The following PRKCA variants were observed in gnomAD, a reference collection of about 807,000 sequenced individuals.
PRKCA encodes the protein protein kinase C alpha type.
PRKCA carries 27 observed loss-of-function variants against 87.0 expected under a neutral mutation model. That is an observed-to-expected ratio of 0.31 (90% CI 0.23 to 0.43). The LOEUF is 0.43. PRKCA is among the 20% of genes least tolerant of loss of function. The probability of loss-of-function intolerance (pLI) is 1.00; values close to 1 mark genes in which losing one functional copy is unlikely to be tolerated. For missense variants in PRKCA, 518 were observed against 852.3 expected (o/e 0.61, Z 4.88); for synonymous variants, 329 against 311.1 (o/e 1.06, Z -0.61).
intron 2 of PRKCA, among the ~76,000 whole-genome samples, chr17:66,467,397 C>T (rs758847512): frequency 3.3e-5 from 5 of 152,192 alleles, no homozygotes; most frequent in African/African-American, 7.2e-5. Context: ...GCCTCAGTTT[C>T]CTCATCTGTA....
At chr17:66,342,353 C>T (rs528311243) in intron 2 of PRKCA, among the ~76,000 whole-genome samples, 121 of 151,392 alleles carry the variant, frequency 8.0e-4, no homozygotes, top group South Asian at 2.5e-3. Context: ...ATGCAGGAGG[C>T]GGAGGTTGCA....
intron 2 of PRKCA, among the ~76,000 whole-genome samples, chr17:66,367,867 CA>C (rs1365323645): frequency 6.6e-5 from 10 of 152,140 alleles, no homozygotes; most frequent in Admixed American, 5.2e-4. Flanking sequence ...AGACCCTCTG[CA>C]AAATAGCTGC....
intron 2 of PRKCA, among the ~76,000 whole-genome samples, chr17:66,369,525 G>A (rs945769101): frequency 1.3e-5 from 2 of 152,160 alleles, no homozygotes; most frequent in Admixed American, 6.6e-5. Context: ...GTTGGTGCTG[G>A]GATGGATTAA....
intron 8 of PRKCA, among the ~76,000 whole-genome samples, chr17:66,716,612 C>A (rs561571606): frequency 6.6e-6 from 1 of 152,202 alleles, no homozygotes; most frequent in Admixed American, 6.5e-5. Flanking sequence ...CGTGCACCAC[C>A]AAGATTAGCG....
At chr17:66,464,188 A>G (rs768335170) in intron 2 of PRKCA, among the ~76,000 whole-genome samples, 27 of 151,958 alleles carry the variant, frequency 1.8e-4, no homozygotes, top group African/African-American at 5.3e-4. Context: ...TGTTTTTTCT[A>G]TGTCTTTTCG....
intron 8 of PRKCA, among the ~76,000 whole-genome samples, chr17:66,709,803 C>A (rs1349240315): frequency 6.6e-6 from 1 of 151,834 alleles, no homozygotes; most frequent in Admixed American, 6.6e-5. Flanking sequence ...GCTTATGTTT[C>A]GTCAGTCATC....
At position 66,310,849 on chromosome 17, in the gene PRKCA, G is replaced by T. The variant is rs147430634; in HGVS notation, c.205+4722G>T. On this transcript the variant is annotated intron_variant, in intron 2 of 16. Transcript: ENST00000413366. ...GCCACGGTGTTCTGAGAGCTGAGTT[G>T]TATGGACACCAAGTACCAGGAGATA... Among the ~76,000 whole-genome samples, 10 of 152,306 alleles carry T rather than the reference G, an allele frequency of 6.6e-5. No individual in the cohort carries two copies. In the East Asian group the frequency reaches 1.9e-3, roughly 29 times the overall value.
At chr17:66,456,585 T>G (rs1366517743) in intron 2 of PRKCA, among the ~76,000 whole-genome samples, 2 of 152,188 alleles carry the variant, frequency 1.3e-5, no homozygotes, top group Non-Finnish European at 2.9e-5. Flanking sequence ...TTTAAAATTG[T>G]CATCCCCTGT....
At position 66,382,967 on chromosome 17, in the gene PRKCA, G is replaced by T. The variant is rs568575537; in HGVS notation, c.205+76840G>T. Among the ~76,000 whole-genome samples, 6 of 152,290 alleles carry T rather than the reference G, an allele frequency of 3.9e-5. No individual in the cohort carries two copies. The East Asian group carries it at 1.2e-3, about 29-fold the overall frequency. ...CCACCCCTAATTGCGTTATGATGGTGTATTTTCTTTCATTATTTTATTTCC... is the reference window on the plus strand; with the variant it reads ...CCACCCCTAATTGCGTTATGATGGTTTATTTTCTTTCATTATTTTATTTCC... On this transcript the variant is annotated intron_variant, in intron 2 of 16. Transcript: ENST00000413366.
intron 5 of PRKCA, among the ~76,000 whole-genome samples, chr17:66,674,144 C>A (rs1452139955): frequency 6.6e-6 from 1 of 152,162 alleles, no homozygotes; most frequent in Non-Finnish European, 1.5e-5. Context: ...GGGAGTGATC[C>A]CTGGGGATGC....
intron 2 of PRKCA, among the ~76,000 whole-genome samples, chr17:66,455,183 C>A (rs1016201768): frequency 1.3e-5 from 2 of 152,208 alleles, no homozygotes; most frequent in Admixed American, 1.3e-4. Context: ...TTATTCTCCC[C>A]ACGAACTGAC....
chr17:66,641,328 T>C (rs1971291569), intron 3 of PRKCA, 27 bp from the exon 4 acceptor site: 1 of 1,555,846 alleles, frequency 6.4e-7, no homozygotes, highest in Non-Finnish European at 8.8e-7. Flanking sequence ...ATGACTAAAA[T>C]GAGCATTGTG....
intron 3 of PRKCA, among the ~76,000 whole-genome samples, chr17:66,540,357 G>C (rs1210769651): frequency 6.6e-6 from 1 of 152,252 alleles, no homozygotes; most frequent in Non-Finnish European, 1.5e-5. Context: ...CGGAGAGGGA[G>C]GCAGCTGCCT....
chr17:66,537,334 AT>A (rs568116605), intron 3 of PRKCA, among the ~76,000 whole-genome samples: 49 of 152,342 alleles, frequency 3.2e-4, no homozygotes, highest in African/African-American at 1.1e-3. Context: ...AAAGTACAAA[AT>A]TTTGAAATGA....
chr17:66,513,214 T>C (rs1917323025), intron 3 of PRKCA, among the ~76,000 whole-genome samples: 1 of 152,196 alleles, frequency 6.6e-6, no homozygotes, highest in South Asian at 2.1e-4. Flanking sequence ...TGCATTTTAG[T>C]TGCACAAGGG....
intron 2 of PRKCA, among the ~76,000 whole-genome samples, chr17:66,373,361 G>T (rs1909226420): frequency 6.6e-6 from 1 of 152,158 alleles, no homozygotes; most frequent in Non-Finnish European, 1.5e-5. Context: ...AGAGACTTGT[G>T]GCCCAGAGAG....
chr17:66,340,107 T>G (rs926408891), intron 2 of PRKCA: 2 of 152,208 alleles, frequency 1.3e-5, no homozygotes, highest in Admixed American at 6.5e-5. Flanking sequence ...GTGTTAAACA[T>G]GTCTTCATCT....
chr17:66,360,733 A>T (rs994506098), intron 2 of PRKCA, among the ~76,000 whole-genome samples: 1 of 151,906 alleles, frequency 6.6e-6, no homozygotes, highest in Admixed American at 6.6e-5. Flanking sequence ...CTTAAAACCC[A>T]CTCTTGTCAT....
chr17:66,343,334 A>G (rs928226987), intron 2 of PRKCA, among the ~76,000 whole-genome samples: 6 of 152,106 alleles, frequency 3.9e-5, no homozygotes, highest in African/African-American at 1.2e-4. Context: ...CTTTTTCTCT[A>G]TCACTTTCTT....
Sources: allele counts gnomAD v4.1 joint callset (sites outside exome capture counted in the v4.1 genomes callset), GRCh38; gene constraint gnomAD v4.1.1; transcripts MANE v1.5; gene names NCBI Gene and HGNC (gene_info 2026-07-23, HGNC 2026-07-21).